NECTIN3: variants seen among roughly 807,000 people sequenced by gnomAD.
The protein encoded by NECTIN3 is nectin-3.
NECTIN3 carries 8 observed loss-of-function variants against 49.4 expected under a neutral mutation model. The observed-to-expected ratio is 0.16, with a 90% confidence interval of 0.10 to 0.29. The LOEUF is 0.29. Among genes scored for constraint, NECTIN3 ranks in the 10% least tolerant of loss-of-function variants. NECTIN3 has a pLI of 1.00. For synonymous variants in NECTIN3, 277 were observed against 241.1 expected (o/e 1.15, Z -1.38); for missense variants, 581 against 654.6 (o/e 0.89, Z 1.23).
intron 2 of NECTIN3, among the ~76,000 whole-genome samples, chr3:111,115,249 ATAAG>A (rs1399190997): frequency 6.6e-6 from 1 of 152,218 alleles, no homozygotes; most frequent in Non-Finnish European, 1.5e-5. Context: ...GGAACACTGA[ATAAG>A]TAATTTATTG....
intron 1 of NECTIN3, among the ~76,000 whole-genome samples, chr3:111,111,822 C>T (rs1374820017): frequency 6.6e-6 from 1 of 151,798 alleles, no homozygotes; most frequent in East Asian, 1.9e-4. Context: ...GCCCAGAAAA[C>T]ACCTAGTTCA....
upstream of NECTIN3, among the ~76,000 whole-genome samples, chr3:111,191,860 G>C (rs963672522): frequency 1.3e-5 from 2 of 152,112 alleles, no homozygotes; most frequent in African/African-American, 4.8e-5. Context: ...CCGAATCTTG[G>C]TTGCTCTGTA....
intron 7 of NECTIN3, among the ~76,000 whole-genome samples, chr3:111,153,261 GA>G (rs1362380495): frequency 2.0e-5 from 3 of 151,592 alleles, no homozygotes; most frequent in East Asian, 3.9e-4. Context: ...CTCTGAGGTG[GA>G]AAAAAAATTT....
intron 4 of NECTIN3, 110 bp from the exon 5 acceptor site, chr3:111,126,074 G>T: frequency 1.3e-6 from 1 of 759,372 alleles, no homozygotes; most frequent in Non-Finnish European, 1.9e-6. Flanking sequence ...TGTCTGAGAT[G>T]CTTTTTTATT....
At chr3:111,133,414 C>T (rs1235984917) in intron 5 of NECTIN3, among the ~76,000 whole-genome samples, 1 of 151,842 alleles carries the variant, frequency 6.6e-6, no homozygotes, top group East Asian at 1.9e-4. Context: ...AGGTTTTATT[C>T]CTTTCTCTTT....
intron 7 of NECTIN3, among the ~76,000 whole-genome samples, chr3:111,154,415 T>A (rs2035058617): frequency 6.6e-6 from 1 of 152,204 alleles, no homozygotes; most frequent in Admixed American, 6.5e-5. Flanking sequence ...TGATGCACAT[T>A]TTTGTTTCCA....
At chr3:111,084,444 C>G (rs1406532629) in intron 1 of NECTIN3, among the ~76,000 whole-genome samples, 1 of 152,090 alleles carries the variant, frequency 6.6e-6, no homozygotes, top group Non-Finnish European at 1.5e-5. Flanking sequence ...AGCACTAGGT[C>G]TACTAGAGAC....
chr3:111,167,907 C>T (rs1237988009), intron 7 of NECTIN3, among the ~76,000 whole-genome samples: 1 of 152,096 alleles, frequency 6.6e-6, no homozygotes, highest in East Asian at 1.9e-4. Flanking sequence ...TATGTACCAG[C>T]TTCTGTGTTA....
intron 7 of NECTIN3, among the ~76,000 whole-genome samples, chr3:111,177,402 T>C (rs926262576): frequency 6.6e-6 from 1 of 152,174 alleles, no homozygotes; most frequent in Non-Finnish European, 1.5e-5. Context: ...AGAGAGGAAT[T>C]CAATTTTGGT....
At chr3:111,089,486 A>G (rs1047443612) in intron 1 of NECTIN3, among the ~76,000 whole-genome samples, 5 of 151,630 alleles carry the variant, frequency 3.3e-5, no homozygotes, top group Non-Finnish European at 5.9e-5. Flanking sequence ...TCCTTTAGAT[A>G]TGACTTTGAC....
rs559041522 is a variant in NECTIN3 at position 111,177,701 on chromosome 3, G to A, written c.1222-14650G>A. Among the ~76,000 whole-genome samples the A allele has an allele frequency of 2.6e-5, 4 of 152,300 alleles. No homozygotes were observed. The East Asian group carries it at 5.8e-4, about 22-fold the overall frequency. On this transcript the variant is annotated intron_variant, in intron 7 of 8. Coordinates refer to the NECTIN3 transcript ENST00000493615. ...TGGTATGAGTGGGTAAATAGGTACA[G>A]CATTAGGGCATCGCATTGAAAAGCA...
chr3:111,157,182 C>G (rs1000101676), intron 7 of NECTIN3, among the ~76,000 whole-genome samples: 2 of 152,102 alleles, frequency 1.3e-5, no homozygotes, highest in African/African-American at 4.8e-5. Context: ...TAGTTTCAGT[C>G]ATTGATACTG....
At position 111,135,610 on chromosome 3, in the gene NECTIN3, A is replaced by G; in HGVS notation, c.*1395A>G. The stretch of plus-strand genomic sequence containing the variant: ...AAAAAGTGACCATTTTGCCAGTGAA[A>G]TGAAGTGGAAGTTAGTAGGAGAATC... On this transcript the variant is annotated 3_prime_UTR_variant, in exon 6 of 6. Coordinates refer to ENST00000485303, the MANE Select transcript of NECTIN3 (RefSeq NM_015480.3). The G allele has an allele frequency of 2.1e-6, 2 of 965,168 alleles. No homozygotes were observed. The highest frequency in any genetic ancestry group is 2.5e-6 in the Non-Finnish European group (2 of 811,674). The allele number at this position is 965,168 out of a possible 1,614,324, so 59.8% of individuals were successfully genotyped here.
downstream of NECTIN3, among the ~76,000 whole-genome samples, chr3:111,142,050 GAT>G (rs1448499521): frequency 3.3e-5 from 5 of 151,842 alleles, no homozygotes; most frequent in Non-Finnish European, 5.9e-5. Flanking sequence ...TTTGGGCTGA[GAT>G]ATGTGCGAAA....
At chr3:111,178,961 C>A (rs2035580475) in intron 7 of NECTIN3, among the ~76,000 whole-genome samples, 1 of 152,148 alleles carries the variant, frequency 6.6e-6, no homozygotes, top group South Asian at 2.1e-4. Flanking sequence ...TGAGTATAAC[C>A]AAAGCATCTT....
At chr3:111,129,321 T>C (rs1252552857) in intron 5 of NECTIN3, among the ~76,000 whole-genome samples, 1 of 152,216 alleles carries the variant, frequency 6.6e-6, no homozygotes, top group African/African-American at 2.4e-5. Context: ...TAACCCCATG[T>C]ATTGCCATGT....
intron 6 of NECTIN3, chr3:111,145,156 C>T (rs907293527): frequency 2.6e-6 from 3 of 1,159,070 alleles, no homozygotes; most frequent in Admixed American, 2.7e-5. Flanking sequence ...AATGTTAGGC[C>T]TTTGTTAGAT....
At chr3:111,104,692 T>C (rs184169480) in intron 1 of NECTIN3, among the ~76,000 whole-genome samples, 1 of 152,290 alleles carries the variant, frequency 6.6e-6, no homozygotes, top group East Asian at 1.9e-4. Flanking sequence ...GTTTTGGTTC[T>C]TATCAGATAT....
At chr3:111,144,802 A>T in intron 5 of NECTIN3, 1 of 1,340,332 alleles carries the variant, frequency 7.5e-7, no homozygotes, top group Non-Finnish European at 1.0e-6. Flanking sequence ...TGGATAACAT[A>T]CTTCAGTCAA....
Sources: allele counts gnomAD v4.1 joint callset (sites outside exome capture counted in the v4.1 genomes callset), GRCh38; gene constraint gnomAD v4.1.1; transcripts MANE v1.5; gene names NCBI Gene and HGNC (gene_info 2026-07-23, HGNC 2026-07-21).